Variants in CSF1R observed in about 807,000 individuals in gnomAD.
The protein encoded by CSF1R is colony stimulating factor 1 receptor, also known as macrophage colony-stimulating factor 1 receptor.
A neutral mutation model predicts 110.0 loss-of-function variants in CSF1R; 40 were observed. That is an observed-to-expected ratio of 0.36 (90% confidence interval 0.28 to 0.47). CSF1R has a LOEUF of 0.47. CSF1R is among the 20% of genes least tolerant of loss of function. CSF1R has a pLI of 0.99. For missense variants in CSF1R, 1,052 were observed against 1,253.0 expected, an observed-to-expected ratio of 0.84 and a Z score of 2.42; for synonymous variants, 523 against 503.4, an observed-to-expected ratio of 1.04 and a Z score of -0.52.
At chr5:150,100,321 G>A (rs1443263843) in intron 1 of CSF1R, among the ~76,000 whole-genome samples, 9 of 65,662 alleles carry the variant, frequency 1.4e-4, no homozygotes, top group African/African-American at 2.5e-4. Context: ...TTTCTGAGAC[G>A]GAGTCTTGCT....
intron 8 of CSF1R, 42 bp from the exon 9 acceptor site, chr5:150,070,105 G>A: frequency 6.2e-7 from 1 of 1,609,384 alleles, no homozygotes; most frequent in Non-Finnish European, 8.5e-7. Context: ...AGGGTTCCCA[G>A]CGCCAGCATG....
Position 150,068,212 on chromosome 5 carries a change from C to T in CSF1R, c.1626+3G>A, listed in dbSNP as rs41424145. 3,555 of 1,608,476 alleles carry T rather than the reference C, an allele frequency of 2.2e-3. 10 individuals carry two copies. The highest frequency in any genetic ancestry group is 2.7e-3 in the Non-Finnish European group (3,224 of 1,178,566). On this transcript the variant is annotated splice_donor_region_variant and intron_variant, in intron 10 of 20. Transcript: ENST00000675795. Reference sequence around the variant, plus strand: ...CTGGCAGCCCCACTCCGCTCCGGCTCACCTGCTTATACTTGTACAATAGCA... The same window carrying T: ...CTGGCAGCCCCACTCCGCTCCGGCTTACCTGCTTATACTTGTACAATAGCA...
intron 1 of CSF1R, among the ~76,000 whole-genome samples, chr5:150,084,451 GAAGGAAGAAAGA>G (rs1189529402): frequency 1.6e-5 from 1 of 61,674 alleles, no homozygotes; most frequent in African/African-American, 1.0e-4. Flanking sequence ...AGGAAGGAAG[GAAGGAAGAAAGA>G]AAGGAAGGAG....
At chr5:150,099,197 C>T (rs937629244) in intron 1 of CSF1R, among the ~76,000 whole-genome samples, 5 of 151,844 alleles carry the variant, frequency 3.3e-5, no homozygotes, top group Non-Finnish European at 2.9e-5. Flanking sequence ...CGTGAGCCAC[C>T]GTGCCTGGCC....
At chr5:150,082,558 A>G (rs1210333535) in intron 1 of CSF1R, among the ~76,000 whole-genome samples, 1 of 152,238 alleles carries the variant, frequency 6.6e-6, no homozygotes, top group Non-Finnish European at 1.5e-5. Context: ...CCTTTTTAGC[A>G]AATCTCAACA....
At chr5:150,056,441 G>A in intron 16 of CSF1R, 100 bp from the exon 17 acceptor site, 2 of 1,473,808 alleles carry the variant, frequency 1.4e-6, no homozygotes, top group Admixed American at 2.0e-5. Flanking sequence ...TGGAGTCCCT[G>A]CTGGAGTGAA....
In CSF1R at chr5:150,053,965, G is replaced by T; in HGVS notation, c.*104C>A. 8.3e-7 allele frequency: 1 copy of T among 1,204,678 alleles called. No individual in the cohort carries two copies. Among genetic ancestry groups the T allele is most frequent in the Non-Finnish European group, 1.2e-6 (1 of 842,930 alleles). 74.6% of individuals were successfully genotyped at this position (1,204,678 alleles called of 1,614,324 possible). ...TCAGAGCTGGGCCGAGCTGTTGAGT[G>T]AAATGACCGAAGGCAGAGTTTGTAT... On this transcript the variant is annotated 3_prime_UTR_variant, in exon 21 of 21. Transcript: ENST00000675795.
chr5:150,105,376 ATATATATATTTTT>A (rs1759521845), intron 1 of CSF1R, among the ~76,000 whole-genome samples: 1 of 93,426 alleles, frequency 1.1e-5, no homozygotes, highest in Non-Finnish European at 2.1e-5. Flanking sequence ...ATATATATAT[ATATATATATTTTT>A]TTTTTTTTAA....
chr5:150,091,996 C>G (rs75817907), intron 1 of CSF1R, among the ~76,000 whole-genome samples: 3,070 of 151,766 alleles, frequency 0.02, 98 homozygotes, highest in African/African-American at 0.066. Flanking sequence ...AATATGATTG[C>G]TTTTTAAATG....
At chr5:150,054,969 G>A (rs1260006596) in intron 19 of CSF1R, 19 of 417,932 alleles carry the variant, frequency 4.5e-5, no homozygotes, top group Non-Finnish European at 6.6e-5. Context: ...GCTCCAGCCC[G>A]GGCTACAGAG....
rs76992032 is a variant in CSF1R, at chr5:150,063,400, G to C, written c.1627-1551C>G. On this transcript the variant is annotated intron_variant, in intron 10 of 20. Coordinates refer to ENST00000675795, the MANE Select transcript of CSF1R (RefSeq NM_001288705.3). ...GTCTTGCTCCTTCACTCATGCCGGAGTGCAGTGGCACGATCATAGCTCACT... is the reference window on the plus strand; with the variant it reads ...GTCTTGCTCCTTCACTCATGCCGGACTGCAGTGGCACGATCATAGCTCACT... Among the ~76,000 whole-genome samples the C allele has an allele frequency of 1.2e-3, 188 of 151,968 alleles. 3 individuals are homozygous for C. In the South Asian group the frequency reaches 0.035, roughly 28 times the overall value.
chr5:150,071,367 C>A (rs1197746059), intron 6 of CSF1R, among the ~76,000 whole-genome samples: 1 of 152,020 alleles, frequency 6.6e-6, no homozygotes, highest in African/African-American at 2.4e-5. Context: ...TTTAAAAAGT[C>A]CCCCAGTTCA....
At chr5:150,082,392 T>C (rs890405362) in intron 1 of CSF1R, among the ~76,000 whole-genome samples, 1 of 152,224 alleles carries the variant, frequency 6.6e-6, no homozygotes, top group African/African-American at 2.4e-5. Context: ...ACGTTTTGAT[T>C]TTGTATTCAT....
At position 150,070,043 on chromosome 5, in the gene CSF1R, A is replaced by G. The variant is rs1322858120; in HGVS notation, c.1340T>C (p.Leu447Pro). Residue 447 changes from leucine to proline, a missense_variant, in exon 9 of 21, where the codon CTG becomes CCG. Physicochemically the swap from Leu to Pro is moderately conservative, Grantham distance 98. This residue lies in a region of CSF1R where 693 missense variants were observed against 735.4 expected (regional missense o/e 0.94). Coordinates refer to ENST00000675795, the MANE Select transcript of CSF1R (RefSeq NM_001288705.3). ...AGGGTATGGGTCATCCCAGACCTGCAGCACTTGGGCCTCATCACACCTGGC... is the reference window on the plus strand; with the variant it reads ...AGGGTATGGGTCATCCCAGACCTGCGGCACTTGGGCCTCATCACACCTGGC... ...HTDRCDEAQV[L>P]QVWDDPYPEV... is the part of the protein sequence containing the mutation. 6.2e-7 allele frequency: 1 copy of G among 1,613,954 alleles called. No individual in the cohort carries two copies. The highest frequency in any genetic ancestry group is 8.5e-7 in the Non-Finnish European group (1 of 1,179,986).
rs1026959032 is a variant in CSF1R at position 150,069,727 on chromosome 5, G to C, written c.1510+146C>G. The C allele has an allele frequency of 1.5e-5, 11 of 724,384 alleles. 1 individual carries two copies. In the South Asian group the frequency reaches 2.0e-4, roughly 13 times the overall value. 44.9% of individuals were successfully genotyped at this position (724,384 alleles called of 1,614,324 possible). On this transcript the variant is annotated intron_variant, in intron 9 of 20. Coordinates refer to ENST00000675795, the MANE Select transcript of CSF1R (RefSeq NM_001288705.3). ...CAGGAGGGGCTTGGACTGGCCCAGA[G>C]AGGTGGACCTTGGTACTGCTAGGAT... is the stretch of plus-strand genomic sequence containing the variant.
chr5:150,070,494 C>T lies in CSF1R; in HGVS notation c.1160G>A (p.Gly387Glu). The T allele has an allele frequency of 6.4e-7, 1 of 1,559,232 alleles. No individual in the cohort carries two copies. Among genetic ancestry groups the T allele is most frequent in the South Asian group, 1.2e-5 (1 of 84,452 alleles). Residue 387 changes from glycine (G) to glutamate (E), a missense_variant, in exon 7 of 21, where the codon GGA (glycine) becomes GAA (glutamate). Coordinates refer to ENST00000675795, the MANE Select transcript of CSF1R (RefSeq NM_001288705.3). ...CTCAAACGTCAGAGCTCTCCAGCCT[C>T]CTGGGTTTCTGGCCAGGAAGGAGTA... ...GRYSFLARNP[G>E]GWRALTFELT... is the part of the protein sequence containing the mutation.
In CSF1R at chr5:150,101,511, C is replaced by T. The variant is rs187402986; in HGVS notation, c.-181+11750G>A. Among the ~76,000 whole-genome samples, 7 of 152,174 alleles carry T rather than the reference C, an allele frequency of 4.6e-5. No homozygotes were observed. In the East Asian group the frequency reaches 1.4e-3, roughly 29 times the overall value. On this transcript the variant is annotated intron_variant, in intron 1 of 21. Coordinates refer to the CSF1R transcript ENST00000286301. ...AAGGTTGGATTTTGCCAGGCAGAGG[C>T]AGGGAAGAGAAAGAAGGGCATCTGA...
rs536814865 is a variant in CSF1R at position 150,068,386 on chromosome 5, G to A, written c.1511-56C>T. The A allele has an allele frequency of 4.0e-6, 5 of 1,264,460 alleles. No homozygotes were observed. The African/African-American group carries it at 7.3e-5, about 19-fold the overall frequency. The allele number at this position is 1,264,460 out of a possible 1,614,324, so 78.3% of individuals were successfully genotyped here. ...GCAGGGGTGCCTCCGAGCCCCCTGA[G>A]GTCAGGCCTGCACACTGCCTGGAAC... On this transcript the variant is annotated intron_variant, in intron 9 of 20. Coordinates refer to ENST00000675795, the MANE Select transcript of CSF1R (RefSeq NM_001288705.3).
chr5:150,093,694 C>A (rs1759118346), intron 1 of CSF1R, among the ~76,000 whole-genome samples: 1 of 152,194 alleles, frequency 6.6e-6, no homozygotes, highest in African/African-American at 2.4e-5. Flanking sequence ...AGGCAATAGA[C>A]ATGCTAATTA....
Sources: gnomAD v4.1 joint callset for allele counts (sites outside exome capture counted in the v4.1 genomes callset) on GRCh38, gnomAD v4.1.1 for gene constraint, gnomAD v4.1.1 regional missense constraint, MANE v1.5 for transcripts, NCBI Gene and HGNC (gene_info 2026-07-23, HGNC 2026-07-21) for gene names.